The following MLIP variants were observed in gnomAD, a reference collection of about 807,000 sequenced individuals.
MLIP encodes muscular LMNA-interacting protein.
A neutral mutation model predicts 84.8 loss-of-function variants in MLIP; 79 were observed. The ratio of observed to expected loss-of-function variants is 0.93; its 90% CI spans 0.78 to 1.12. The LOEUF is 1.12. Ranked by LOEUF, MLIP falls within the 50% of genes most tolerant of loss-of-function variation. The pLI, the probability that MLIP is intolerant of heterozygous loss-of-function variation, is 0.00. For missense variants in MLIP, 1,257 were observed against 1,160.6 expected (o/e 1.08, Z -1.21); for synonymous variants, 504 against 463.0 (o/e 1.09, Z -1.14).
intron 12 of MLIP, among the ~76,000 whole-genome samples, chr6:54,234,727 GAC>G (rs1204033589): frequency 6.6e-6 from 1 of 152,148 alleles, no homozygotes; most frequent in Non-Finnish European, 1.5e-5. Flanking sequence ...TGAATTTCCT[GAC>G]ACAGTTGATC....
chr6:54,023,172 AT>A (rs368400074), intron 1 of MLIP, among the ~76,000 whole-genome samples: 80,209 of 127,846 alleles, frequency 0.63, 23,621 homozygotes, highest in Middle Eastern at 0.71. Context: ...ATCTCAAAAA[AT>A]AATAATAATA....
intron 12 of MLIP, among the ~76,000 whole-genome samples, chr6:54,254,148 G>A (rs563462855): frequency 7.4e-6 from 1 of 134,776 alleles, no homozygotes; most frequent in African/African-American, 3.0e-5. Context: ...TTTTTTTTAC[G>A]TGGAGTGTTG....
intron 1 of MLIP, among the ~76,000 whole-genome samples, chr6:54,118,166 A>G (rs1490644204): frequency 2.6e-5 from 4 of 152,372 alleles, no homozygotes; most frequent in Middle Eastern, 6.8e-3. Flanking sequence ...GAATTAAAAC[A>G]TAATAAAATT....
chr6:54,231,092 A>G (rs1214961426), intron 12 of MLIP, among the ~76,000 whole-genome samples, 175 bp downstream of exon 12: 4 of 152,200 alleles, frequency 2.6e-5, no homozygotes, highest in Non-Finnish European at 5.9e-5. Flanking sequence ...ATAAGCAGAT[A>G]ATAATTGAAC....
chr6:54,111,371 C>T (rs1769447797), upstream of MLIP: 3 of 1,470,606 alleles, frequency 2.0e-6, no homozygotes, highest in East Asian at 5.0e-5. Context: ...TCTGCTTTAC[C>T]TCTTTTTAGA....
At position 54,239,742 on chromosome 6, in the gene MLIP, G is replaced by A. The variant is rs367958677; in HGVS notation, c.2922+8825G>A. 2.0e-5 allele frequency among the ~76,000 whole-genome samples: 3 copies of A among 151,798 alleles called. No individual in the cohort carries two copies. The East Asian group carries it at 5.8e-4, about 29-fold the overall frequency. The stretch of plus-strand genomic sequence containing the variant: ...GTGGAGGTTGCAGTGAGGCAGGATT[G>A]CACTACTGCACTCCAGTCTGGGTGA... On this transcript the variant is annotated intron_variant, in intron 12 of 13. Coordinates refer to ENST00000502396, the MANE Select transcript of MLIP (RefSeq NM_001281747.2).
chr6:54,186,898 G>A (rs994694626), intron 9 of MLIP, among the ~76,000 whole-genome samples: 2 of 152,124 alleles, frequency 1.3e-5, no homozygotes, highest in Admixed American at 1.3e-4. Context: ...GACCCTAGGT[G>A]CCAGGACCCG....
chr6:54,189,429 C>A (rs1777704532), intron 9 of MLIP, among the ~76,000 whole-genome samples: 1 of 152,046 alleles, frequency 6.6e-6, no homozygotes, highest in Non-Finnish European at 1.5e-5. Flanking sequence ...TTATGCTTTT[C>A]TTTTTATATA....
intron 5 of MLIP, among the ~76,000 whole-genome samples, chr6:54,159,795 C>G (rs528815083): frequency 2.7e-4 from 41 of 152,136 alleles, no homozygotes; most frequent in African/African-American, 9.1e-4. Context: ...TTAGGCCCAG[C>G]TGAGGAGAAA....
At chr6:54,236,251 A>T (rs528843832) in intron 12 of MLIP, among the ~76,000 whole-genome samples, 1 of 151,812 alleles carries the variant, frequency 6.6e-6, no homozygotes, top group East Asian at 1.9e-4. Context: ...CTATGTTCCC[A>T]GCTCAGGTTG....
At chr6:54,108,060 G>A (rs1192448891), upstream of MLIP, among the ~76,000 whole-genome samples, 2 of 152,120 alleles carry the variant, frequency 1.3e-5, no homozygotes, top group East Asian at 1.9e-4. Flanking sequence ...TCAGCTGAAA[G>A]GTATTGCAGT....
chr6:54,194,202 TG>T (rs5876367), intron 10 of MLIP, among the ~76,000 whole-genome samples: 125,405 of 144,732 alleles, frequency 0.87, 53,309 homozygotes, highest in Non-Finnish European at 0.94. Flanking sequence ...GCTTTAGCGG[TG>T]GGTGCATGAC....
intron 11 of MLIP, among the ~76,000 whole-genome samples, chr6:54,214,911 C>T (rs1027708013): frequency 5.3e-5 from 8 of 152,156 alleles, no homozygotes; most frequent in Admixed American, 3.3e-4. Context: ...CTACTTATCC[C>T]CCTTTCCTCT....
chr6:54,074,286 A>G (rs1474216240), intron 1 of MLIP, among the ~76,000 whole-genome samples: 1 of 152,192 alleles, frequency 6.6e-6, no homozygotes, highest in Non-Finnish European at 1.5e-5. Context: ...CAGATGTGTG[A>G]ATTGAATTGG....
intron 3 of MLIP, among the ~76,000 whole-genome samples, chr6:54,130,095 G>A (rs1368193802): frequency 6.6e-6 from 1 of 152,056 alleles, no homozygotes; most frequent in Non-Finnish European, 1.5e-5. Flanking sequence ...GAGACTAGAT[G>A]CACTTAGGAG....
intron 1 of MLIP, chr6:54,030,521 T>C (rs944636762): frequency 2.0e-5 from 3 of 151,800 alleles, no homozygotes; most frequent in African/African-American, 7.3e-5. Flanking sequence ...AAGAAGAACA[T>C]AAGTACACGA....
chr6:54,041,289 T>C (rs1764728292), intron 1 of MLIP, among the ~76,000 whole-genome samples: 1 of 152,120 alleles, frequency 6.6e-6, no homozygotes, highest in African/African-American at 2.4e-5. Flanking sequence ...TATTGCATTG[T>C]ATCGGTGTTC....
Position 54,136,730 on chromosome 6 carries a change from A to C in MLIP, c.661A>C (p.Thr221Pro). The change falls in exon 4 of 14, where the codon ACT becomes CCT. Residue 221 changes from threonine to proline, a missense_variant. Transcript: ENST00000502396. Reference sequence around the variant, plus strand: ...TTTCCTCTAGTTAACTTCTTCTCCCACTACCTCTGAGCAGCTTGCCTGTAA... The same window carrying C: ...TTTCCTCTAGTTAACTTCTTCTCCCCCTACCTCTGAGCAGCTTGCCTGTAA... ...QKHGQLTSSP[T>P]TSEQLACKPP... The C allele has an allele frequency of 1.3e-6, 2 of 1,492,306 alleles. No homozygotes were observed. The highest frequency in any genetic ancestry group is 1.8e-6 in the Non-Finnish European group (2 of 1,118,514). The allele number at this position is 1,492,306 out of a possible 1,614,324, so 92.4% of individuals were successfully genotyped here. A position where few individuals can be genotyped will look rare whatever the true frequency, so the allele number is the denominator to read the frequency against.
chr6:54,242,893 G>T (rs1279122650), intron 12 of MLIP, among the ~76,000 whole-genome samples: 3 of 152,074 alleles, frequency 2.0e-5, no homozygotes, highest in Admixed American at 2.0e-4. Context: ...CAACCTTTTT[G>T]TTCCAACATA....
Sources: gnomAD v4.1 joint callset for allele counts (sites outside exome capture counted in the v4.1 genomes callset) on GRCh38, gnomAD v4.1.1 for gene constraint, MANE v1.5 for transcripts, NCBI Gene and HGNC (gene_info 2026-07-23, HGNC 2026-07-21) for gene names.